The following GPD1L variants were observed in gnomAD, a reference collection of about 807,000 sequenced individuals.
GPD1L encodes the protein glycerol-3-phosphate dehydrogenase 1-like protein.
GPD1L carries 17 observed loss-of-function variants against 32.9 expected under a neutral mutation model. The observed-to-expected ratio is 0.52, with a 90% CI of 0.35 to 0.78. The LOEUF is 0.78. Ranked by LOEUF, GPD1L falls within the 30% of genes least tolerant of loss-of-function variation. The pLI, the probability that GPD1L is intolerant of heterozygous loss-of-function variation, is 0.01. For missense variants in GPD1L, 361 were observed against 447.8 expected (o/e 0.81, Z 1.75); for synonymous variants, 187 against 165.9 (o/e 1.13, Z -0.98).
In GPD1L at chr3:32,147,972, C is replaced by T. The variant is rs148175590; in HGVS notation, c.618+1238C>T. ...GGGAGCACACATGCATATTTCTAAG[C>T]GCCTGTGTGGGGCATTCTTTGCATT... On this transcript the variant is annotated intron_variant, in intron 5 of 7. Transcript: ENST00000282541. Among the ~76,000 whole-genome samples the T allele has an allele frequency of 7.7e-4, 118 of 152,316 alleles. 1 individual carries two copies. Among genetic ancestry groups the T allele is most frequent in the Admixed American group, 2.0e-3 (30 of 15,302 alleles).
chr3:32,150,457 T>G (rs1179859165), intron 5 of GPD1L, among the ~76,000 whole-genome samples: 1 of 151,774 alleles, frequency 6.6e-6, no homozygotes, highest in Non-Finnish European at 1.5e-5. Flanking sequence ...TATTGTTTTC[T>G]GTGTTTTTAA....
intron 2 of GPD1L, among the ~76,000 whole-genome samples, chr3:32,136,355 T>C (rs1005102904): frequency 6.6e-6 from 1 of 152,204 alleles, no homozygotes; most frequent in African/African-American, 2.4e-5. Flanking sequence ...TGGTTTCTTG[T>C]TGGCTCTGAT....
intron 1 of GPD1L, among the ~76,000 whole-genome samples, chr3:32,125,584 T>C (rs1700495172): frequency 6.6e-6 from 1 of 152,226 alleles, no homozygotes; most frequent in Non-Finnish European, 1.5e-5. Context: ...TTGTCATGGA[T>C]CAACATGTAT....
chr3:32,138,512 C>A, intron 2 of GPD1L, 75 bp from the exon 3 acceptor site: 2 of 1,336,492 alleles, frequency 1.5e-6, no homozygotes, highest in South Asian at 1.2e-5. Flanking sequence ...GATAAATGGT[C>A]AGTGAGTGAA....
intron 5 of GPD1L, 152 bp from the exon 6 acceptor site, chr3:32,158,724 A>C (rs546700874): frequency 6.7e-7 from 1 of 1,500,564 alleles, no homozygotes; most frequent in African/African-American, 1.4e-5. Flanking sequence ...TCTTTCACCC[A>C]GGTGTACAAG....
intron 5 of GPD1L, among the ~76,000 whole-genome samples, chr3:32,153,855 T>A (rs1700952911): frequency 1.3e-5 from 2 of 152,142 alleles, no homozygotes; most frequent in African/African-American, 4.8e-5. Flanking sequence ...CCACCCCTAT[T>A]CAGAACTGGA....
intron 1 of GPD1L, among the ~76,000 whole-genome samples, chr3:32,108,974 T>C (rs1360496387): frequency 6.6e-6 from 1 of 152,172 alleles, no homozygotes; most frequent in Non-Finnish European, 1.5e-5. Context: ...CTCAGCCTCC[T>C]GAGTAGCTGG....
intron 2 of GPD1L, among the ~76,000 whole-genome samples, chr3:32,133,729 A>G (rs370229323): frequency 6.6e-6 from 1 of 152,188 alleles, no homozygotes; most frequent in Non-Finnish European, 1.5e-5. Context: ...TCAGTCTGTG[A>G]TGATGAAAGT....
At chr3:32,123,967 T>C (rs951705832) in intron 1 of GPD1L, among the ~76,000 whole-genome samples, 22 of 152,182 alleles carry the variant, frequency 1.4e-4, no homozygotes, top group Non-Finnish European at 2.9e-4. Context: ...CAAACCACCT[T>C]TGTGGACTGT....
intron 1 of GPD1L, among the ~76,000 whole-genome samples, chr3:32,108,845 GTTTT>G (rs897545963): frequency 6.6e-6 from 1 of 151,546 alleles, no homozygotes; most frequent in East Asian, 1.9e-4. Flanking sequence ...TTTGCCAGTT[GTTTT>G]TTTTTATTAC....
chr3:32,166,176 T>C lies in GPD1L; in HGVS notation c.*266T>C, dbSNP rs1194650387. On this transcript the variant is annotated 3_prime_UTR_variant, in exon 8 of 8. Coordinates refer to ENST00000282541, the MANE Select transcript of GPD1L (RefSeq NM_015141.4). ...TCTATGAGCCAAAATTTGATGTCTT[T>C]TTTTCAAAATTGCTTATGAAATTTC... The C allele has an allele frequency of 2.0e-6, 1 of 494,178 alleles. No individual in the cohort carries two copies. The highest frequency in any genetic ancestry group is 3.7e-6 in the Non-Finnish European group (1 of 273,360). 30.6% of individuals were successfully genotyped at this position (494,178 alleles called of 1,614,324 possible). A position where few individuals can be genotyped will look rare whatever the true frequency, so the allele number is the denominator to read the frequency against.
rs756051420 is a variant in GPD1L at position 32,146,842 on chromosome 3, G to A, written c.618+108G>A. 50 of 773,660 alleles carry A rather than the reference G, an allele frequency of 6.5e-5. 1 individual carries two copies. Among genetic ancestry groups the A allele is most frequent in the South Asian group, 3.9e-4 (29 of 73,588 alleles). The allele number at this position is 773,660 out of a possible 1,614,324, so 47.9% of individuals were successfully genotyped here. On this transcript the variant is annotated intron_variant, in intron 5 of 7. Transcript: ENST00000282541. ...TGTTCTGTGCACCCACATCAGCGAA[G>A]AATAGTGAATTGAGAGTCTTGTTTA...
rs773274397 is a variant in GPD1L, at chr3:32,106,670, G to A, written c.-42G>A. ...GCTGAACAGGCGGAGGTGGGCAGCCGGCCAGGGAAGCACGGTCCAGGCGGC... is the reference window on the plus strand; with the variant it reads ...GCTGAACAGGCGGAGGTGGGCAGCCAGCCAGGGAAGCACGGTCCAGGCGGC... On this transcript the variant is annotated 5_prime_UTR_variant, in exon 1 of 8. Coordinates refer to ENST00000282541, the MANE Select transcript of GPD1L (RefSeq NM_015141.4). The surrounding 1 kb of genome is among the most constrained non-coding windows in gnomAD (Gnocchi z 4.0). The A allele has an allele frequency of 2.7e-6, 4 of 1,498,060 alleles. No homozygotes were observed. Among genetic ancestry groups the A allele is most frequent in the Admixed American group, 2.1e-5 (1 of 47,970 alleles). The allele number at this position is 1,498,060 out of a possible 1,614,324, so 92.8% of individuals were successfully genotyped here. A position where few individuals can be genotyped will look rare whatever the true frequency, so the allele number is the denominator to read the frequency against.
intron 3 of GPD1L, among the ~76,000 whole-genome samples, chr3:32,139,962 G>A (rs746592445): frequency 6.6e-6 from 1 of 152,218 alleles, no homozygotes; most frequent in Non-Finnish European, 1.5e-5. Context: ...ACCCTGGGGA[G>A]CAGGGGTAGA....
chr3:32,143,859 A>G (rs1225228686), intron 4 of GPD1L, among the ~76,000 whole-genome samples: 2 of 152,034 alleles, frequency 1.3e-5, no homozygotes, highest in Non-Finnish European at 2.9e-5. Context: ...GTGCACGCCT[A>G]TGGTCCCAGG....
intron 5 of GPD1L, chr3:32,151,133 A>T (rs11918229): frequency 7.7e-6 from 4 of 516,402 alleles, no homozygotes; most frequent in Non-Finnish European, 1.5e-5. Flanking sequence ...GCTCCTTCCC[A>T]CTGGTTCCCA....
At chr3:32,124,402 C>T (rs1047586730) in intron 1 of GPD1L, among the ~76,000 whole-genome samples, 1 of 152,202 alleles carries the variant, frequency 6.6e-6, no homozygotes, top group African/African-American at 2.4e-5. Context: ...TATAAGTAGA[C>T]TCTGTTCCCT....
intron 1 of GPD1L, among the ~76,000 whole-genome samples, chr3:32,109,355 G>A (rs934651672): frequency 1.3e-5 from 2 of 152,206 alleles, no homozygotes; most frequent in South Asian, 2.1e-4. Flanking sequence ...TGGGCCTGGA[G>A]CAAGAGTAGT....
At chr3:32,148,043 C>T (rs1700858374) in intron 5 of GPD1L, among the ~76,000 whole-genome samples, 1 of 152,190 alleles carries the variant, frequency 6.6e-6, no homozygotes, top group South Asian at 2.1e-4. Flanking sequence ...AAGACGCTGA[C>T]TTTGGCTGCT....
Sources: gnomAD v4.1 joint callset for allele counts (sites outside exome capture counted in the v4.1 genomes callset) on GRCh38, gnomAD v4.1.1 for gene constraint, Gnocchi (gnomAD v3.1) non-coding constraint, MANE v1.5 for transcripts, NCBI Gene and HGNC (gene_info 2026-07-23, HGNC 2026-07-21) for gene names.